The following NALCN variants were observed in gnomAD, a reference collection of about 807,000 sequenced individuals.
NALCN encodes sodium leak channel NALCN.
In NALCN, 111 loss-of-function variants were observed where a neutral mutation model predicts 225.3. That is an observed-to-expected ratio of 0.49 (90% CI 0.42 to 0.58). The LOEUF is 0.58. NALCN is among the 20% of genes least tolerant of loss of function. The pLI is 0.00. For synonymous variants in NALCN, 764 were observed against 769.0 expected (o/e 0.99, Z 0.11); for missense variants, 1,378 against 2,202.4 (o/e 0.63, Z 7.49).
intron 15 of NALCN, among the ~76,000 whole-genome samples, chr13:101,148,170 T>C (rs1422358927): frequency 2.0e-5 from 3 of 152,110 alleles, no homozygotes; most frequent in African/African-American, 4.8e-5. Flanking sequence ...CTTAACACAA[T>C]AGAAATTTAC....
chr13:101,354,531 G>T (rs76626590), intron 6 of NALCN, among the ~76,000 whole-genome samples: 4,908 of 152,212 alleles, frequency 0.032, 270 homozygotes, highest in African/African-American at 0.11. Context: ...TACAGGGTGA[G>T]AATCTATATG....
At chr13:101,279,561 A>G (rs905399163) in intron 10 of NALCN, among the ~76,000 whole-genome samples, 3 of 152,126 alleles carry the variant, frequency 2.0e-5, no homozygotes, top group Non-Finnish European at 2.9e-5. Flanking sequence ...TCACGCCTGT[A>G]ATCCCAGCAC....
chr13:101,329,023 A>G (rs2045064768), intron 7 of NALCN, among the ~76,000 whole-genome samples: 1 of 152,172 alleles, frequency 6.6e-6, no homozygotes, highest in Non-Finnish European at 1.5e-5. Flanking sequence ...AGTTAATAAC[A>G]TGTCACACCT....
At chr13:101,099,261 C>T (rs1229764031) in intron 27 of NALCN, among the ~76,000 whole-genome samples, 2 of 152,036 alleles carry the variant, frequency 1.3e-5, no homozygotes, top group Non-Finnish European at 2.9e-5. Context: ...GGCCACATTC[C>T]TTGTTCTGTC....
chr13:101,310,845 A>G (rs1455242120), intron 7 of NALCN, among the ~76,000 whole-genome samples: 3 of 152,188 alleles, frequency 2.0e-5, no homozygotes, highest in African/African-American at 7.2e-5. Flanking sequence ...TTCACATATA[A>G]TGGAAATAAA....
intron 35 of NALCN, among the ~76,000 whole-genome samples, 158 bp downstream of exon 35, chr13:101,075,715 T>C (rs918214550): frequency 6.6e-6 from 1 of 152,158 alleles, no homozygotes; most frequent in Non-Finnish European, 1.5e-5. Context: ...TACTGATTCA[T>C]TTAACAATGT....
intron 13 of NALCN, among the ~76,000 whole-genome samples, chr13:101,193,203 C>T (rs78091018): frequency 0.012 from 1,809 of 151,536 alleles, 18 homozygotes; most frequent in Non-Finnish European, 0.018. Context: ...AGAAGTAGCA[C>T]CCAGGCATTA....
intron 13 of NALCN, among the ~76,000 whole-genome samples, chr13:101,197,824 G>A (rs1384352191): frequency 6.6e-6 from 1 of 152,156 alleles, no homozygotes; most frequent in Non-Finnish European, 1.5e-5. Flanking sequence ...ACAAATGAAT[G>A]GAGATCAGCC....
chr13:101,245,576 A>G (rs1160338881), intron 11 of NALCN, among the ~76,000 whole-genome samples: 1 of 152,070 alleles, frequency 6.6e-6, no homozygotes, highest in Non-Finnish European at 1.5e-5. Flanking sequence ...CCCCCCAACT[A>G]AGAACATATT....
intron 15 of NALCN, among the ~76,000 whole-genome samples, chr13:101,153,543 C>T (rs974450939): frequency 2.0e-5 from 3 of 152,200 alleles, no homozygotes; most frequent in African/African-American, 7.2e-5. Flanking sequence ...GCCTCCTTTG[C>T]TATTTAAGGT....
chr13:101,146,088 T>C (rs2037332558), intron 15 of NALCN, among the ~76,000 whole-genome samples: 1 of 152,198 alleles, frequency 6.6e-6, no homozygotes, highest in Non-Finnish European at 1.5e-5. Flanking sequence ...CCCATTTCAA[T>C]ATGATGGATG....
At chr13:101,090,119 CACAT>C (rs1223013630) in intron 28 of NALCN, among the ~76,000 whole-genome samples, 153 bp from the exon 29 acceptor site, 2 of 151,972 alleles carry the variant, frequency 1.3e-5, no homozygotes, top group Non-Finnish European at 2.9e-5. Context: ...CGTGCACACA[CACAT>C]ACATATGTGT....
intron 6 of NALCN, among the ~76,000 whole-genome samples, chr13:101,354,662 T>C (rs79905732): frequency 0.032 from 4,919 of 152,318 alleles, 270 homozygotes; most frequent in African/African-American, 0.11. Context: ...TCATCTTTCT[T>C]GTGAAGATCA....
At chr13:101,156,111 G>A (rs2037888074) in intron 15 of NALCN, among the ~76,000 whole-genome samples, 1 of 152,072 alleles carries the variant, frequency 6.6e-6, no homozygotes, top group Admixed American at 6.6e-5. Flanking sequence ...AAGTCTTCCT[G>A]CTTTGGCCAC....
At chr13:101,338,335 T>C (rs977405849) in intron 7 of NALCN, among the ~76,000 whole-genome samples, 1 of 152,212 alleles carries the variant, frequency 6.6e-6, no homozygotes, top group African/African-American at 2.4e-5. Flanking sequence ...TTATTCTGGA[T>C]TTTTTTGAAA....
chr13:101,320,557 G>A (rs983158413), intron 7 of NALCN, among the ~76,000 whole-genome samples: 9 of 152,070 alleles, frequency 5.9e-5, no homozygotes, highest in Admixed American at 5.2e-4. Flanking sequence ...TTTAAAATAG[G>A]AGAATATTAG....
At chr13:101,078,775 G>A (rs1029187059) in intron 34 of NALCN, among the ~76,000 whole-genome samples, 2 of 152,128 alleles carry the variant, frequency 1.3e-5, no homozygotes, top group African/African-American at 4.8e-5. Context: ...ATTGTATTTT[G>A]AATTGTGAAG....
At chr13:101,267,583 T>C (rs563978820) in intron 10 of NALCN, among the ~76,000 whole-genome samples, 1 of 152,326 alleles carries the variant, frequency 6.6e-6, no homozygotes, top group South Asian at 2.1e-4. Flanking sequence ...GAAATTACTC[T>C]TGCTGCTCTT....
intron 39 of NALCN, among the ~76,000 whole-genome samples, 193 bp from the exon 40 acceptor site, chr13:101,065,754 G>A (rs899409236): frequency 6.6e-6 from 1 of 152,222 alleles, no homozygotes; most frequent in Non-Finnish European, 1.5e-5. Flanking sequence ...AGAAAACTGA[G>A]TGATAAATTT....
Sources: allele counts gnomAD v4.1 joint callset (sites outside exome capture counted in the v4.1 genomes callset), GRCh38; gene constraint gnomAD v4.1.1; transcripts MANE v1.5; gene names NCBI Gene and HGNC (gene_info 2026-07-23, HGNC 2026-07-21).